TTLL11: variants seen among roughly 807,000 people sequenced by gnomAD.
TTLL11 encodes the protein tubulin tyrosine ligase like 11, also known as tubulin polyglutamylase TTLL11.
In TTLL11, 42 loss-of-function variants were observed where a neutral mutation model predicts 51.7. The observed-to-expected ratio is 0.81, with a 90% CI of 0.64 to 1.05. TTLL11 has a LOEUF of 1.05. Ranked by LOEUF, TTLL11 falls within the 50% of genes least tolerant of loss-of-function variation. The pLI is 0.00. For missense variants in TTLL11, 799 were observed against 940.4 expected (o/e 0.85, Z 1.97); for synonymous variants, 381 against 383.5 (o/e 0.99, Z 0.08).
intron 7 of TTLL11, among the ~76,000 whole-genome samples, chr9:121,865,979 G>A (rs542310254): frequency 2.6e-5 from 4 of 152,300 alleles, no homozygotes; most frequent in Admixed American, 6.5e-5. Flanking sequence ...AAATTCAATT[G>A]GAGTGTTTAT....
At chr9:121,888,286 G>A (rs911022164) in intron 6 of TTLL11, among the ~76,000 whole-genome samples, 1 of 152,216 alleles carries the variant, frequency 6.6e-6, no homozygotes, top group Admixed American at 6.5e-5. Context: ...CAACACATCT[G>A]AAGAGGAAAT....
rs79542060 is a variant in TTLL11, at chr9:121,847,824, C to T, written c.1840+12513G>A. Among the ~76,000 whole-genome samples, 928 of 152,016 alleles carry T rather than the reference C, an allele frequency of 6.1e-3. 27 individuals are homozygous for T. The East Asian group carries it at 0.099, about 16-fold the overall frequency. On this transcript the variant is annotated intron_variant, in intron 8 of 8. Transcript: ENST00000321582. The stretch of plus-strand genomic sequence containing the variant: ...CTGTGAGGCCAGCATTACCCTAATA[C>T]CTAAACCAGATAATGATATTACCAG...
chr9:121,973,393 T>G (rs1300203760), intron 6 of TTLL11, among the ~76,000 whole-genome samples: 1 of 152,318 alleles, frequency 6.6e-6, no homozygotes, highest in Middle Eastern at 3.4e-3. Context: ...TCTCCTGCAT[T>G]TTATTGTACT....
At chr9:122,008,949 T>C (rs1371826043) in intron 3 of TTLL11, among the ~76,000 whole-genome samples, 1 of 152,196 alleles carries the variant, frequency 6.6e-6, no homozygotes, top group Non-Finnish European at 1.5e-5. Context: ...GAAAGACAAA[T>C]ACTGCATGAT....
intron 6 of TTLL11, among the ~76,000 whole-genome samples, chr9:121,931,278 G>A (rs1840957798): frequency 6.6e-6 from 1 of 152,220 alleles, no homozygotes; most frequent in African/African-American, 2.4e-5. Context: ...TACGTCCTCA[G>A]AGCCCCTTGT....
chr9:121,828,955 C>A (rs550638045), intron 8 of TTLL11, among the ~76,000 whole-genome samples: 2 of 151,568 alleles, frequency 1.3e-5, no homozygotes, highest in South Asian at 4.2e-4. Flanking sequence ...ACAGACAAGA[C>A]CCTGTATTTT....
At chr9:122,068,235 A>G (rs770597417) in intron 1 of TTLL11, among the ~76,000 whole-genome samples, 9 of 152,202 alleles carry the variant, frequency 5.9e-5, no homozygotes, top group Non-Finnish European at 1.0e-4. Context: ...CGAGTGGATT[A>G]TATTAAAACA....
chr9:122,080,342 T>G (rs1380124590), intron 1 of TTLL11, among the ~76,000 whole-genome samples: 1 of 152,196 alleles, frequency 6.6e-6, no homozygotes, highest in Non-Finnish European at 1.5e-5. Context: ...AAAATGTATA[T>G]TCCGTGTGGT....
chr9:121,966,138 C>T (rs921408661), intron 6 of TTLL11, among the ~76,000 whole-genome samples: 1 of 152,190 alleles, frequency 6.6e-6, no homozygotes, highest in Admixed American at 6.5e-5. Context: ...AGGCTGACTC[C>T]TCTCTTTACA....
intron 8 of TTLL11, among the ~76,000 whole-genome samples, chr9:121,826,217 T>TATATATACACAC (rs1491163835): frequency 8.6e-5 from 5 of 58,112 alleles, no homozygotes; most frequent in African/African-American, 3.0e-4. Flanking sequence ...TATATATATA[T>TATATATACACAC]GCACACATAT....
At chr9:121,991,768 A>G (rs1843121518) in intron 3 of TTLL11, among the ~76,000 whole-genome samples, 1 of 152,190 alleles carries the variant, frequency 6.6e-6, no homozygotes, top group African/African-American at 2.4e-5. Context: ...ACAAATCAAG[A>G]TTATTAATAC....
rs1018434273 is a variant in TTLL11 at position 121,815,866 on chromosome 9, G to A, written c.*6721C>T. On this transcript the variant is annotated 3_prime_UTR_variant, in exon 9 of 9. Coordinates refer to ENST00000321582, the MANE Select transcript of TTLL11 (RefSeq NM_001139442.2). Reference sequence around the variant, plus strand: ...TCTTAAAGGCAGAGCTCAGCACAGAGCGGAGGGGGCTGGAGCACGTGGGGC... The same window carrying A: ...TCTTAAAGGCAGAGCTCAGCACAGAACGGAGGGGGCTGGAGCACGTGGGGC... 1.3e-5 allele frequency: 2 copies of A among 152,204 alleles called. No homozygotes were observed. The highest frequency in any genetic ancestry group is 4.8e-5 in the African/African-American group (2 of 41,444). The allele number at this position is 152,204 out of a possible 1,614,324, so 9.4% of individuals were successfully genotyped here. A position where few individuals can be genotyped will look rare whatever the true frequency, so the allele number is the denominator to read the frequency against.
chr9:121,825,939 T>C (rs1836737824), intron 8 of TTLL11, among the ~76,000 whole-genome samples: 1 of 151,370 alleles, frequency 6.6e-6, no homozygotes, highest in African/African-American at 2.4e-5. Flanking sequence ...TTTCTGCTTG[T>C]CTGCATTTTG....
At position 121,850,664 on chromosome 9, in the gene TTLL11, T is replaced by C. The variant is rs187359144; in HGVS notation, c.1840+9673A>G. Among the ~76,000 whole-genome samples, 743 of 152,244 alleles carry C rather than the reference T, an allele frequency of 4.9e-3. 10 individuals carry two copies. Among genetic ancestry groups the C allele is most frequent in the African/African-American group, 0.017 (702 of 41,540 alleles). On this transcript the variant is annotated intron_variant, in intron 8 of 8. Coordinates refer to ENST00000321582, the MANE Select transcript of TTLL11 (RefSeq NM_001139442.2). ...GCTGATTGGATGGTGCCCACTCACA[T>C]TGAGAGTGAATCTTCGCCATCCAGT...
chr9:121,905,822 G>A (rs1839925791), intron 6 of TTLL11, among the ~76,000 whole-genome samples: 1 of 152,076 alleles, frequency 6.6e-6, no homozygotes, highest in Non-Finnish European at 1.5e-5. Flanking sequence ...CATAATTTTG[G>A]ATTATGTCTT....
chr9:122,090,219 G>A (rs2131945726), intron 1 of TTLL11, among the ~76,000 whole-genome samples: 1 of 152,160 alleles, frequency 6.6e-6, no homozygotes, highest in South Asian at 2.1e-4. Context: ...AATTAGCTCT[G>A]TCCACCCCTA....
intron 6 of TTLL11, among the ~76,000 whole-genome samples, chr9:121,942,596 G>C (rs1841518416): frequency 6.9e-6 from 1 of 145,128 alleles, no homozygotes; most frequent in African/African-American, 2.6e-5. Flanking sequence ...TGTCACTCTA[G>C]TTAAAAACAC....
intron 3 of TTLL11, among the ~76,000 whole-genome samples, chr9:121,994,970 CCCT>C (rs1378970664): frequency 2.0e-5 from 3 of 152,072 alleles, no homozygotes; most frequent in Non-Finnish European, 4.4e-5. Context: ...AGGATAATCC[CCCT>C]ATGTCTAGGT....
intron 1 of TTLL11, among the ~76,000 whole-genome samples, chr9:122,087,346 T>G (rs986671265): frequency 6.6e-6 from 1 of 152,100 alleles, no homozygotes; most frequent in Non-Finnish European, 1.5e-5. Context: ...ATACAATTTT[T>G]CACGAGCATA....
Sources: allele counts gnomAD v4.1 joint callset (sites outside exome capture counted in the v4.1 genomes callset), GRCh38; gene constraint gnomAD v4.1.1; transcripts MANE v1.5; gene names NCBI Gene and HGNC (gene_info 2026-07-23, HGNC 2026-07-21).